The following PALM variants were observed in gnomAD, a reference collection of about 807,000 sequenced individuals.
The protein encoded by PALM is paralemmin.
PALM carries 18 observed loss-of-function variants against 30.7 expected under a neutral mutation model. The observed-to-expected ratio is 0.59, with a 90% CI of 0.41 to 0.87. The LOEUF (loss-of-function observed/expected upper bound fraction) is 0.87. Ranked by LOEUF, PALM falls within the 40% of genes least tolerant of loss-of-function variation. PALM has a pLI of 0.00. For missense variants in PALM, 529 were observed against 555.4 expected, an observed-to-expected ratio of 0.95 and a Z score of 0.48; for synonymous variants, 286 against 242.8, an observed-to-expected ratio of 1.18 and a Z score of -1.66.
chr19:729,478 T>TG (rs2032800282), intron 4 of PALM, among the ~76,000 whole-genome samples: 1 of 135,526 alleles, frequency 7.4e-6, no homozygotes, highest in Non-Finnish European at 1.6e-5. Context: ...TTTTTTTTTT[T>TG]TTTTTGAGAA....
At chr19:710,010 C>T (rs985953601) in intron 1 of PALM, among the ~76,000 whole-genome samples, 2 of 152,176 alleles carry the variant, frequency 1.3e-5, no homozygotes, top group African/African-American at 2.4e-5. Flanking sequence ...CTGCCCCTCA[C>T]TCCCACAGGT....
rs370854916 is a variant in PALM at position 746,776 on chromosome 19, A to G, written c.1126A>G (p.Met376Val). ...CACCAGCGACCCCCAGGACCTCGAC[A>G]TGAAGAAGCACCGTTGTAAATGCTG... ...ATTSDPQDLD[M>V]KKHRCKCCSI... Residue 376 changes from methionine (M) to valine (V), a missense_variant, in exon 9 of 9, where the codon ATG (methionine) becomes GTG (valine). Coordinates refer to ENST00000338448, the MANE Select transcript of PALM (RefSeq NM_002579.3). This position sits in a 1 kb window ranked among gnomAD's most constrained non-coding sequence, Gnocchi z 7.1. 6.3e-7 allele frequency: 1 copy of G among 1,581,990 alleles called. No individual in the cohort carries two copies. Among genetic ancestry groups the G allele is most frequent in the African/African-American group, 1.4e-5 (1 of 74,070 alleles).
At position 746,514 on chromosome 19, in the gene PALM, G is replaced by A. The variant is rs370324595; in HGVS notation, c.864G>A (p.Pro288=). 4.9e-5 allele frequency: 79 copies of A among 1,612,590 alleles called. No homozygotes were observed. In the African/African-American group the frequency reaches 6.4e-4, roughly 13 times the overall value. Residue 288 remains proline, a synonymous_variant, in exon 9 of 9, where the codon CCG becomes CCA. Transcript: ENST00000338448. This position sits in a 1 kb window ranked among gnomAD's most constrained non-coding sequence, Gnocchi z 7.1. The stretch of plus-strand genomic sequence containing the variant: ...CAGGCGAGGCCACGTCCGGCCCGCC[G>A]GGGATCCAGCCCGGCCAGGAGCCCC... ...AQPGEATSGP[P]GIQPGQEPPV...
In PALM at chr19:742,553, C is replaced by T. The variant is rs1409094541; in HGVS notation, c.634+2070C>T. ...CCAGGAGGCGGAGGTTGCAGTGAGC[C>T]GAGATCGCGCCACTGCTCTCCAGCC... On this transcript the variant is annotated intron_variant, in intron 8 of 8. Transcript: ENST00000338448. This position sits in a 1 kb window ranked among gnomAD's most constrained non-coding sequence, Gnocchi z 5.5. 4.0e-5 allele frequency among the ~76,000 whole-genome samples: 6 copies of T among 151,062 alleles called. No homozygotes were observed. Among genetic ancestry groups the T allele is most frequent in the African/African-American group, 9.8e-5 (4 of 41,006 alleles).
In PALM at chr19:746,458, C is replaced by T. The variant is rs779958491; in HGVS notation, c.808C>T (p.Arg270Trp). Residue 270 changes from arginine to tryptophan, a missense_variant, in exon 9 of 9, where the codon CGG becomes TGG. By Grantham distance (101) the Arg-to-Trp change is moderately radical. Transcript: ENST00000338448. This position sits in a 1 kb window ranked among gnomAD's most constrained non-coding sequence, Gnocchi z 7.1. ...GGGGGCAGCCCGGACCACGCCCTCC[C>T]GGCGGGAGATCACCGGTGTGCAGGC... Reference protein sequence around the residue: ...VEGAARTTPSRREITGVQAQP... With the variant: ...VEGAARTTPSWREITGVQAQP... 80 of 1,609,092 alleles carry T rather than the reference C, an allele frequency of 5.0e-5. No individual in the cohort carries two copies. The highest frequency in any genetic ancestry group is 6.7e-5 in the African/African-American group (5 of 74,838).
rs2032236877 is a variant in PALM, at chr19:715,803, G to A, written c.5+6652G>A. ...TGCAGAGAAATGGCAGAGCCAGAGG[G>A]GGCAGGACCCCACGTCTAGGAGGGC... is the stretch of plus-strand genomic sequence containing the variant. On this transcript the variant is annotated intron_variant, in intron 1 of 8. Coordinates refer to ENST00000338448, the MANE Select transcript of PALM (RefSeq NM_002579.3). 2.0e-5 allele frequency among the ~76,000 whole-genome samples: 3 copies of A among 152,188 alleles called. No individual in the cohort carries two copies. In the South Asian group the frequency reaches 6.2e-4, roughly 32 times the overall value.
At position 726,185 on chromosome 19, in the gene PALM, T is replaced by C; in HGVS notation, c.53T>C (p.Ile18Thr). ...TTSQQERLQAIAEKRKRQAEI... is the reference protein window; with the variant it reads ...TTSQQERLQATAEKRKRQAEI... ...TCCCAGCAGGAGCGGCTGCAGGCCA[T>C]CGCAGTGAGTTTCCGCCGCCCCGCA... The change falls in exon 2 of 9, where the codon ATC becomes ACC. Residue 18 changes from isoleucine to threonine, a missense_variant. Ile to Thr is a moderately conservative substitution (Grantham distance 89). Coordinates refer to ENST00000338448, the MANE Select transcript of PALM (RefSeq NM_002579.3). The C allele has an allele frequency of 6.2e-7, 1 of 1,613,000 alleles. No homozygotes were observed. Among genetic ancestry groups the C allele is most frequent in the Non-Finnish European group, 8.5e-7 (1 of 1,179,728 alleles).
rs143395464 is a variant in PALM at position 709,391 on chromosome 19, G to A, written c.5+240G>A. ...CCCACCCACCGGCGCGTGGGGACCCGGGCAGCGGCGGCTCGGGCCAGTCCA... is the reference window on the plus strand; with the variant it reads ...CCCACCCACCGGCGCGTGGGGACCCAGGCAGCGGCGGCTCGGGCCAGTCCA... On this transcript the variant is annotated intron_variant, in intron 1 of 8. Coordinates refer to ENST00000338448, the MANE Select transcript of PALM (RefSeq NM_002579.3). This position sits in a 1 kb window ranked among gnomAD's most constrained non-coding sequence, Gnocchi z 4.3. Among the ~76,000 whole-genome samples the A allele has an allele frequency of 0.028, 4,293 of 151,588 alleles. 211 individuals carry two copies. The highest frequency in any genetic ancestry group is 0.099 in the African/African-American group (4,095 of 41,428).
intron 4 of PALM, among the ~76,000 whole-genome samples, chr19:730,004 T>C (rs1210482871): frequency 6.6e-6 from 1 of 152,212 alleles, no homozygotes; most frequent in East Asian, 1.9e-4. Flanking sequence ...AAGACCTGGC[T>C]TGAGGCCTAG....
In PALM at chr19:746,615, A is replaced by G. The variant is rs1330009623; in HGVS notation, c.965A>G (p.Asp322Gly). ...ACCAAGAAGGTGCTGGGCCTTCAAG[A>G]TACCATCACGGCGGAGCTGGTGGTC... ...AETKKVLGLQ[D>G]TITAELVVIE... The change falls in exon 9 of 9, where the codon GAT (aspartate) becomes GGT (glycine). Residue 322 changes from aspartate to glycine, a missense_variant. Coordinates refer to ENST00000338448, the MANE Select transcript of PALM (RefSeq NM_002579.3). The surrounding 1 kb of genome is among the most constrained non-coding windows in gnomAD (Gnocchi z 7.1). 2 of 1,613,218 alleles carry G rather than the reference A, an allele frequency of 1.2e-6. No individual in the cohort carries two copies. The highest frequency in any genetic ancestry group is 4.5e-5 in the East Asian group (2 of 44,836).
In PALM at chr19:709,411, A is replaced by C. The variant is rs919100397; in HGVS notation, c.5+260A>C. Among the ~76,000 whole-genome samples, 543 of 151,252 alleles carry C rather than the reference A, an allele frequency of 3.6e-3. 10 individuals carry two copies. Among genetic ancestry groups the C allele is most frequent in the Admixed American group, 0.032 (493 of 15,224 alleles). ...GACCCGGGCAGCGGCGGCTCGGGCC[A>C]GTCCAGGACGCGGGGAGGGGGAGGC... On this transcript the variant is annotated intron_variant, in intron 1 of 8. Transcript: ENST00000338448. This position sits in a 1 kb window ranked among gnomAD's most constrained non-coding sequence, Gnocchi z 4.3.
intron 1 of PALM, chr19:719,084 C>T: frequency 1.0e-6 from 1 of 983,952 alleles, no homozygotes; most frequent in Non-Finnish European, 1.2e-6. Context: ...TTTCAATTAG[C>T]AGCAGGAATG....
At chr19:714,328 C>G (rs1211659899) in intron 1 of PALM, among the ~76,000 whole-genome samples, 2 of 151,246 alleles carry the variant, frequency 1.3e-5, no homozygotes, top group African/African-American at 4.9e-5. Context: ...GCATGAGCCA[C>G]CGCGCCCAGC....
chr19:748,019 C>G lies in PALM; in HGVS notation c.*1205C>G, dbSNP rs1165273113. The G allele has an allele frequency of 1.3e-5, 2 of 152,610 alleles. No individual in the cohort carries two copies. The highest frequency in any genetic ancestry group is 2.9e-5 in the Non-Finnish European group (2 of 68,140). 9.5% of individuals were successfully genotyped at this position (152,610 alleles called of 1,614,324 possible). The stretch of plus-strand genomic sequence containing the variant: ...GGGACCTCCAGCCTGGTGCCCAGTG[C>G]TCAGGCCACCTCCTGGTCCAGTCAC... On this transcript the variant is annotated 3_prime_UTR_variant, in exon 9 of 9. Transcript: ENST00000338448.
At position 747,920 on chromosome 19, in the gene PALM, T is replaced by A. The variant is rs2033393784; in HGVS notation, c.*1106T>A. The A allele has an allele frequency of 6.6e-6, 1 of 152,570 alleles. No individual in the cohort carries two copies. Among genetic ancestry groups the A allele is most frequent in the Non-Finnish European group, 1.5e-5 (1 of 68,046 alleles). The allele number at this position is 152,570 out of a possible 1,614,324, so 9.5% of individuals were successfully genotyped here. A position where few individuals can be genotyped will look rare whatever the true frequency, so the allele number is the denominator to read the frequency against. ...GCTACACTCGTCCCCAGAGGCACAT[T>A]CGTGCACATTCTCACAGACACCGTC... On this transcript the variant is annotated 3_prime_UTR_variant, in exon 9 of 9. Coordinates refer to ENST00000338448, the MANE Select transcript of PALM (RefSeq NM_002579.3).
At chr19:729,850 G>T (rs74812357) in intron 4 of PALM, among the ~76,000 whole-genome samples, 2,945 of 152,290 alleles carry the variant, frequency 0.019, 55 homozygotes, top group East Asian at 0.07. Context: ...GGGCTGAGAC[G>T]GGCCTGGCCC....
intron 4 of PALM, 125 bp downstream of exon 4, chr19:727,819 C>A: frequency 1.1e-6 from 1 of 875,610 alleles, no homozygotes; most frequent in Admixed American, 2.7e-5. Context: ...CCGGGCAGGC[C>A]AGGACCCAAC....
In PALM at chr19:709,251, G is replaced by GC; in HGVS notation, c.5+105dup. 3.6e-6 allele frequency: 1 copy of GC among 276,786 alleles called. No individual in the cohort carries two copies. Among genetic ancestry groups the GC allele is most frequent in the East Asian group, 5.7e-5 (1 of 17,606 alleles). 17.1% of individuals were successfully genotyped at this position (276,786 alleles called of 1,614,324 possible). A position where few individuals can be genotyped will look rare whatever the true frequency, so the allele number is the denominator to read the frequency against. On this transcript the variant is annotated intron_variant, in intron 1 of 8. Coordinates refer to ENST00000338448, the MANE Select transcript of PALM (RefSeq NM_002579.3). The surrounding 1 kb of genome is among the most constrained non-coding windows in gnomAD (Gnocchi z 4.3). ...CTCGCGCCCCATTGGGGGCGTCGCT[G>GC]CCCCCGCGAGGAGCAGGAGGCGGCG...
chr19:720,217 G>A (rs1387939572), intron 1 of PALM, among the ~76,000 whole-genome samples: 57 of 152,040 alleles, frequency 3.7e-4, no homozygotes, highest in Admixed American at 3.7e-3. Context: ...ACCCCCGCGC[G>A]CCGGGCCTCG....
Sources: gnomAD v4.1 joint callset for allele counts (sites outside exome capture counted in the v4.1 genomes callset) on GRCh38, gnomAD v4.1.1 for gene constraint, Gnocchi (gnomAD v3.1) non-coding constraint, MANE v1.5 for transcripts, NCBI Gene and HGNC (gene_info 2026-07-23, HGNC 2026-07-21) for gene names.